Variants in PIN1 observed in about 807,000 individuals in gnomAD.
PIN1 encodes peptidylprolyl cis/trans isomerase, NIMA-interacting 1.
In PIN1, 8 loss-of-function variants were observed where a neutral mutation model predicts 19.9. That is an observed-to-expected ratio of 0.40 (90% CI 0.24 to 0.72). PIN1 has a LOEUF of 0.72. PIN1 is among the 30% of genes least tolerant of loss of function. The probability of loss-of-function intolerance (pLI) is 0.37; values close to 1 mark genes in which losing one functional copy is unlikely to be tolerated. For synonymous variants in PIN1, 86 were observed against 90.8 expected (o/e 0.95, Z 0.30); for missense variants, 185 against 226.5 (o/e 0.82, Z 1.18).
At chr19:9,836,699 G>A (rs1441873689) in intron 1 of PIN1, 3 of 518,200 alleles carry the variant, frequency 5.8e-6, no homozygotes, top group African/African-American at 2.0e-5. Context: ...GTAACATCGG[G>A]CCACCAGTAA....
chr19:9,849,603 G>T lies in PIN1; in HGVS notation c.*404G>T, dbSNP rs750473383. The T allele has an allele frequency of 5.6e-6, 3 of 537,244 alleles. No homozygotes were observed. Among genetic ancestry groups the T allele is most frequent in the Admixed American group, 1.9e-5 (1 of 52,100 alleles). 33.3% of individuals were successfully genotyped at this position (537,244 alleles called of 1,614,324 possible). ...CGCTCCTCTGTTCAGTCGCAAAGGT[G>T]AACACTCATGCGGCCCAGCCATGGG... On this transcript the variant is annotated 3_prime_UTR_variant, in exon 4 of 4. Coordinates refer to ENST00000247970, the MANE Select transcript of PIN1 (RefSeq NM_006221.4).
Position 9,840,263 on chromosome 19 carries a change from C to A in PIN1, c.271+1615C>A, listed in dbSNP as rs1364017582. On this transcript the variant is annotated intron_variant, in intron 2 of 3. Transcript: ENST00000247970. ...AATTAGTCTGGCATGGTGGCGGGCA[C>A]CTGTAGTCCCAGCTACTCGGGAGAT... 2.0e-5 allele frequency among the ~76,000 whole-genome samples: 3 copies of A among 152,088 alleles called. No individual in the cohort carries two copies. In the East Asian group the frequency reaches 5.8e-4, roughly 29 times the overall value.
chr19:9,838,311 A>G lies in PIN1; in HGVS notation c.59-125A>G, dbSNP rs750733027. 27 of 742,166 alleles carry G rather than the reference A, an allele frequency of 3.6e-5. No homozygotes were observed. The highest frequency in any genetic ancestry group is 6.1e-5 in the Non-Finnish European group (25 of 411,246). 46.0% of individuals were successfully genotyped at this position (742,166 alleles called of 1,614,324 possible). ...AGAGCCTGTGGCACATGGTGGATAC[A>G]CCATGGATTTGTTGAATGAAGGCGC... On this transcript the variant is annotated intron_variant, in intron 1 of 3. Coordinates refer to ENST00000247970, the MANE Select transcript of PIN1 (RefSeq NM_006221.4). This position sits in a 1 kb window ranked among gnomAD's most constrained non-coding sequence, Gnocchi z 5.8.
intron 2 of PIN1, among the ~76,000 whole-genome samples, chr19:9,840,731 G>C (rs1012562607): frequency 4.6e-5 from 7 of 152,138 alleles, no homozygotes; most frequent in Middle Eastern, 3.4e-3. Context: ...CAAGTAGCTG[G>C]GACTGCAGGC....
Position 9,846,728 on chromosome 19 carries a change from G to T in PIN1, c.272-1302G>T, listed in dbSNP as rs1170697691. Among the ~76,000 whole-genome samples, 4 of 152,134 alleles carry T rather than the reference G, an allele frequency of 2.6e-5. No homozygotes were observed. The highest frequency in any genetic ancestry group is 5.9e-5 in the Non-Finnish European group (4 of 68,026). On this transcript the variant is annotated intron_variant, in intron 2 of 3. Coordinates refer to ENST00000247970, the MANE Select transcript of PIN1 (RefSeq NM_006221.4). The surrounding 1 kb of genome is among the most constrained non-coding windows in gnomAD (Gnocchi z 5.9). Reference sequence around the variant, plus strand: ...CCCGTGGGTCTCCAACAGGCTCCAGGCCAGTGTATCAGCTATGTATGTCCT... The same window carrying T: ...CCCGTGGGTCTCCAACAGGCTCCAGTCCAGTGTATCAGCTATGTATGTCCT...
chr19:9,847,382 C>T (rs764892841), intron 2 of PIN1, among the ~76,000 whole-genome samples: 27 of 152,182 alleles, frequency 1.8e-4, no homozygotes, highest in Non-Finnish European at 3.1e-4. Context: ...TGCCAGCATG[C>T]AGACTGTAGG....
intron 2 of PIN1, among the ~76,000 whole-genome samples, chr19:9,840,857 G>A (rs1020157937): frequency 7.9e-5 from 12 of 152,090 alleles, no homozygotes; most frequent in African/African-American, 2.4e-4. Flanking sequence ...TCAGCCTCCC[G>A]AAGTGTTGGG....
intron 1 of PIN1, chr19:9,836,920 C>A: frequency 9.3e-7 from 1 of 1,079,528 alleles, no homozygotes; most frequent in Non-Finnish European, 1.3e-6. Flanking sequence ...ATAATAAAGG[C>A]TATCCCACTC....
intron 2 of PIN1, among the ~76,000 whole-genome samples, chr19:9,841,425 G>A (rs901761948): frequency 6.6e-6 from 1 of 152,174 alleles, no homozygotes; most frequent in African/African-American, 2.4e-5. Flanking sequence ...GGCACAGGAC[G>A]GGGCAGAAGT....
chr19:9,840,607 C>T (rs866174211), intron 2 of PIN1, among the ~76,000 whole-genome samples: 2 of 152,168 alleles, frequency 1.3e-5, no homozygotes, highest in Admixed American at 6.5e-5. Flanking sequence ...ATCTTTTTCT[C>T]CTTCTTCTTT....
Position 9,846,845 on chromosome 19 carries a change from T to C in PIN1, c.272-1185T>C, listed in dbSNP as rs1676290273. Among the ~76,000 whole-genome samples, 1 of 152,138 alleles carries C rather than the reference T, an allele frequency of 6.6e-6. No homozygotes were observed. ...AGGGTGACATTAAGAAACCCCCTAC[T>C]GAGTGTGTCAGGGTGACCTTCACGT... is the stretch of plus-strand genomic sequence containing the variant. On this transcript the variant is annotated intron_variant, in intron 2 of 3. Coordinates refer to ENST00000247970, the MANE Select transcript of PIN1 (RefSeq NM_006221.4). This position sits in a 1 kb window ranked among gnomAD's most constrained non-coding sequence, Gnocchi z 5.9.
At chr19:9,844,885 G>A (rs1367362464) in intron 2 of PIN1, among the ~76,000 whole-genome samples, 3 of 152,124 alleles carry the variant, frequency 2.0e-5, no homozygotes, top group African/African-American at 4.8e-5. Context: ...TTGAACATTC[G>A]TGAACACCTG....
Position 9,849,557 on chromosome 19 carries a change from G to C in PIN1, c.*358G>C, listed in dbSNP as rs370315019. 3 of 590,736 alleles carry C rather than the reference G, an allele frequency of 5.1e-6. No homozygotes were observed. The Admixed American group carries it at 5.6e-5, about 11-fold the overall frequency. 36.6% of individuals were successfully genotyped at this position (590,736 alleles called of 1,614,324 possible). On this transcript the variant is annotated 3_prime_UTR_variant, in exon 4 of 4. Transcript: ENST00000247970. ...GGTGCTGGAGGCAGACTCGAGGGCC[G>C]AATTGTTTCTAGTTAGGCCACGCTC...
Position 9,849,311 on chromosome 19 carries a change from A to G in PIN1, c.*112A>G, listed in dbSNP as rs763563070. 1.8e-5 allele frequency: 14 copies of G among 763,406 alleles called. No homozygotes were observed. Among genetic ancestry groups the G allele is most frequent in the Non-Finnish European group, 2.7e-5 (12 of 436,470 alleles). 47.3% of individuals were successfully genotyped at this position (763,406 alleles called of 1,614,324 possible). On this transcript the variant is annotated 3_prime_UTR_variant, in exon 4 of 4. Transcript: ENST00000247970. ...CCCCCACTCCCTGCCACCGTCACAC[A>G]GTATTTATTGTTCCCACAATGGCTG...
At chr19:9,836,430 T>G (rs954897071) in intron 1 of PIN1, 12 of 180,346 alleles carry the variant, frequency 6.7e-5, no homozygotes, top group African/African-American at 2.8e-4. Flanking sequence ...CAGCTGCATT[T>G]GCACCTGGAA....
chr19:9,847,954 TG>T, intron 2 of PIN1, 75 bp from the exon 3 acceptor site: 1 of 902,566 alleles, frequency 1.1e-6, no homozygotes, highest in Non-Finnish European at 1.9e-6. Flanking sequence ...TGGCCAGCTC[TG>T]GAGTCCTCCA....
At chr19:9,835,492 C>T (rs1203897778) in intron 1 of PIN1, 90 bp downstream of exon 1, 12 of 907,956 alleles carry the variant, frequency 1.3e-5, no homozygotes, top group African/African-American at 8.8e-5. Context: ...GCAGCGCTGC[C>T]TCCCTCCCAT....
At position 9,847,938 on chromosome 19, in the gene PIN1, C is replaced by A; in HGVS notation, c.272-92C>A. ...GGCTTTCCAACTGAAGTGCTGCCTC[C>A]CCCGCTGGCCAGCTCTGGAGTCCTC... On this transcript the variant is annotated intron_variant, in intron 2 of 3. Transcript: ENST00000247970. 7 of 803,632 alleles carry A rather than the reference C, an allele frequency of 8.7e-6. No homozygotes were observed. In the South Asian group the frequency reaches 9.5e-5, roughly 11 times the overall value. The allele number at this position is 803,632 out of a possible 1,614,324, so 49.8% of individuals were successfully genotyped here.
At chr19:9,845,945 T>G (rs1425072870) in intron 2 of PIN1, among the ~76,000 whole-genome samples, 1 of 152,020 alleles carries the variant, frequency 6.6e-6, no homozygotes, top group Non-Finnish European at 1.5e-5. Context: ...GGTGGGTACC[T>G]CTGGGGGCAC....
Sources: gnomAD v4.1 joint callset for allele counts (sites outside exome capture counted in the v4.1 genomes callset) on GRCh38, gnomAD v4.1.1 for gene constraint, Gnocchi (gnomAD v3.1) non-coding constraint, MANE v1.5 for transcripts, NCBI Gene and HGNC (gene_info 2026-07-23, HGNC 2026-07-21) for gene names.